Variants in ZNF75D observed in about 807,000 individuals in gnomAD.
ZNF75D encodes the protein zinc finger protein 75.
Under a neutral mutation model 33.3 loss-of-function variants are expected in ZNF75D, and 33 were observed. The observed-to-expected ratio is 0.99, with a 90% CI of 0.75 to 1.32. The LOEUF is 1.32. ZNF75D is among the 40% of genes most tolerant of loss of function. The pLI is 0.00. For missense variants in ZNF75D, 338 were observed against 367.5 expected (o/e 0.92, Z 0.66); for synonymous variants, 113 against 130.6 (o/e 0.87, Z 0.92).
chrX:135,333,837 A>G (rs1469049186), intron 1 of ZNF75D, among the ~76,000 whole-genome samples: 2 of 112,055 alleles, frequency 1.8e-5, no homozygotes, highest in African/African-American at 3.2e-5. Flanking sequence ...TAGAGGTGAT[A>G]TAATTATGGA....
intron 1 of ZNF75D, among the ~76,000 whole-genome samples, chrX:135,328,485 G>A (rs1465149581): frequency 1.8e-5 from 2 of 111,562 alleles, no homozygotes; most frequent in Non-Finnish European, 3.8e-5. Context: ...TAGATAAATG[G>A]GAATGACAGT....
intron 1 of ZNF75D, among the ~76,000 whole-genome samples, chrX:135,268,558 A>G (rs1042331730): frequency 5.4e-5 from 6 of 110,784 alleles, no homozygotes; most frequent in African/African-American, 2.0e-4. Context: ...AAGCATGTCT[A>G]TTATGAAAAG....
intron 1 of ZNF75D, among the ~76,000 whole-genome samples, chrX:135,268,892 A>C (rs1225100287): frequency 8.9e-6 from 1 of 111,844 alleles, no homozygotes; most frequent in African/African-American, 3.2e-5. Flanking sequence ...ACCGGCATAA[A>C]CACAGACACA....
intron 4 of ZNF75D, among the ~76,000 whole-genome samples, chrX:135,291,909 T>C (rs1006321787): frequency 8.9e-6 from 1 of 112,314 alleles, no homozygotes; most frequent in East Asian, 2.8e-4. Flanking sequence ...GGGAGACTTT[T>C]GTCTTTTATT....
chrX:135,320,996 A>G (rs2084488695), intron 1 of ZNF75D, among the ~76,000 whole-genome samples: 1 of 111,617 alleles, frequency 9.0e-6, no homozygotes, highest in Non-Finnish European at 1.9e-5. Flanking sequence ...AGACTCGGTA[A>G]TTATAAAGAA....
intron 6 of ZNF75D, among the ~76,000 whole-genome samples, chrX:135,290,481 T>C (rs950625956): frequency 8.9e-6 from 1 of 112,515 alleles, no homozygotes; most frequent in East Asian, 2.8e-4. Context: ...ATTACGCTAA[T>C]ATTCTTCTCA....
At chrX:135,281,418 AT>A (rs2148464883), downstream of ZNF75D, among the ~76,000 whole-genome samples, 1 of 110,317 alleles carries the variant, frequency 9.1e-6, no homozygotes, top group South Asian at 3.9e-4. Flanking sequence ...GCTTCCTTGC[AT>A]TGGGTTAGAA....
At chrX:135,260,631 G>T (rs1332600925) in intron 1 of ZNF75D, among the ~76,000 whole-genome samples, 1 of 111,625 alleles carries the variant, frequency 9.0e-6, no homozygotes, top group African/African-American at 3.3e-5. Flanking sequence ...CTGTGGGATC[G>T]GTGGTGATAT....
chrX:135,317,841 G>A (rs1271643267), intron 1 of ZNF75D, among the ~76,000 whole-genome samples: 1 of 110,846 alleles, frequency 9.0e-6, no homozygotes, highest in Non-Finnish European at 1.9e-5. Flanking sequence ...GATATGTACA[G>A]GTGCTGCCTA....
At chrX:135,261,342 T>C (rs532002389) in intron 1 of ZNF75D, among the ~76,000 whole-genome samples, 4 of 112,304 alleles carry the variant, frequency 3.6e-5, no homozygotes, top group African/African-American at 1.3e-4. Flanking sequence ...GTTCAGGTCC[T>C]GGATATCCTT....
At chrX:135,320,943 G>C (rs184238770) in intron 1 of ZNF75D, among the ~76,000 whole-genome samples, 25 of 110,854 alleles carry the variant, frequency 2.3e-4, no homozygotes, top group East Asian at 8.5e-4. Context: ...AGGTTGGGGG[G>C]GGTTATCTTA....
At chrX:135,305,830 C>T (rs1481610998) in intron 1 of ZNF75D, among the ~76,000 whole-genome samples, 5 of 111,496 alleles carry the variant, frequency 4.5e-5, no homozygotes, top group Admixed American at 9.5e-5. Context: ...GTTGTGGTCT[C>T]GGGTAGCAGA....
Position 135,293,317 on chromosome X carries a change from C to T in ZNF75D, c.411+413G>A, listed in dbSNP as rs782546218. ...TCTTTCTTTGCAGTCTCCCCAGAGC[C>T]GCTTGATTCATACTTCTGTTTGCTA... On this transcript the variant is annotated intron_variant, in intron 3 of 6. Coordinates refer to ENST00000370766, the MANE Select transcript of ZNF75D (RefSeq NM_007131.5). Among the ~76,000 whole-genome samples, 3 of 111,605 alleles carry T rather than the reference C, an allele frequency of 2.7e-5. 1 individual carries two copies. The highest frequency in any genetic ancestry group is 7.6e-4 in the South Asian group (2 of 2,631).
intron 1 of ZNF75D, among the ~76,000 whole-genome samples, chrX:135,316,809 C>T (rs1447506438): frequency 9.2e-6 from 1 of 108,773 alleles, no homozygotes; most frequent in Non-Finnish European, 1.9e-5. Flanking sequence ...ATGTAGTCTT[C>T]AGTTCCAGAA....
At chrX:135,326,302 C>A (rs1556437653) in intron 1 of ZNF75D, among the ~76,000 whole-genome samples, 1 of 110,516 alleles carries the variant, frequency 9.0e-6, no homozygotes, top group Non-Finnish European at 1.9e-5. Flanking sequence ...CACCAATCAG[C>A]ACCCTGTGTC....
rs782180590 is a variant in ZNF75D at position 135,340,002 on chromosome X, G to C, written c.-391+1766C>G. ...TGTGGAGATGGTCCCAATGAAGAGAGACAAATTCAGAATTAGTGCAAATGC... is the reference window on the plus strand; with the variant it reads ...TGTGGAGATGGTCCCAATGAAGAGACACAAATTCAGAATTAGTGCAAATGC... On this transcript the variant is annotated intron_variant, in intron 1 of 6. Coordinates refer to ENST00000370766, the MANE Select transcript of ZNF75D (RefSeq NM_007131.5). 2.7e-5 allele frequency among the ~76,000 whole-genome samples: 3 copies of C among 112,716 alleles called. No individual in the cohort carries two copies. In the East Asian group the frequency reaches 8.3e-4, roughly 31 times the overall value.
At position 135,342,474 on chromosome X, in the gene ZNF75D, T is replaced by C. The variant is rs2084795906; in HGVS notation, c.-1097A>G. Reference sequence around the variant, plus strand: ...TGGTTTAAACTCAAGGTTTTTATGATGCCATGACCCAGAGTGAATGTGTGT... The same window carrying C: ...TGGTTTAAACTCAAGGTTTTTATGACGCCATGACCCAGAGTGAATGTGTGT... On this transcript the variant is annotated 5_prime_UTR_variant, in exon 1 of 7. Transcript: ENST00000370766. 8.9e-6 allele frequency: 1 copy of C among 112,032 alleles called. No individual in the cohort carries two copies. The highest frequency in any genetic ancestry group is 3.3e-5 in the African/African-American group (1 of 30,763). The allele number at this position is 112,032 out of a possible 1,213,427, so 9.2% of individuals were successfully genotyped here.
chrX:135,302,734 G>C (rs1452239659), intron 1 of ZNF75D, among the ~76,000 whole-genome samples: 3 of 111,687 alleles, frequency 2.7e-5, no homozygotes, highest in African/African-American at 9.8e-5. Context: ...GGATGGGCTA[G>C]CCAGTGAAGG....
At chrX:135,249,115 T>C in exon 4 of ZNF75D, 1 of 325,716 alleles carries the variant, frequency 3.1e-6, no homozygotes, top group Non-Finnish European at 6.0e-6. Context: ...ATCGTTTCTA[T>C]GATTCCCAAG....
Sources: allele counts gnomAD v4.1 joint callset (sites outside exome capture counted in the v4.1 genomes callset), GRCh38; gene constraint gnomAD v4.1.1; transcripts MANE v1.5; gene names NCBI Gene and HGNC (gene_info 2026-07-23, HGNC 2026-07-21).